SLC4A8: variants seen among roughly 807,000 people sequenced by gnomAD.
SLC4A8 encodes the protein electroneutral sodium bicarbonate exchanger 1.
SLC4A8 carries 40 observed loss-of-function variants against 125.0 expected under a neutral mutation model. The ratio of observed to expected loss-of-function variants is 0.32; its 90% confidence interval spans 0.25 to 0.42. The LOEUF (loss-of-function observed/expected upper bound fraction) is 0.42, where lower values mean the gene tolerates loss of function less well. SLC4A8 is among the 10% of genes least tolerant of loss of function. SLC4A8 has a pLI of 1.00. For synonymous variants in SLC4A8, 456 were observed against 476.0 expected, an observed-to-expected ratio of 0.96 and a Z score of 0.55; for missense variants, 863 against 1,355.1, an observed-to-expected ratio of 0.64 and a Z score of 5.70.
At chr12:51,415,590 T>A (rs1208508953) in intron 1 of SLC4A8, among the ~76,000 whole-genome samples, 8 of 152,094 alleles carry the variant, frequency 5.3e-5, no homozygotes, top group Admixed American at 5.2e-4. Flanking sequence ...CTCAGAATAA[T>A]GTGTGTTGAT....
At chr12:51,479,998 T>C in intron 16 of SLC4A8, 1 of 366,418 alleles carries the variant, frequency 2.7e-6, no homozygotes, top group Admixed American at 3.5e-5. Context: ...TCAGATGGAG[T>C]CTTGCTCTGT....
At chr12:51,391,499 G>A (rs1948104865) in intron 1 of SLC4A8, 1 of 155,468 alleles carries the variant, frequency 6.4e-6, no homozygotes, top group Non-Finnish European at 1.4e-5. Context: ...GTGAGAGCGA[G>A]GACTCGGCAG....
At chr12:51,499,613 T>C (rs1293884815) in intron 22 of SLC4A8, among the ~76,000 whole-genome samples, 1 of 117,298 alleles carries the variant, frequency 8.5e-6, no homozygotes, top group Non-Finnish European at 1.9e-5. Context: ...TTGGTTATAG[T>C]GCTATAATTC....
At chr12:51,476,364 C>G (rs1016389938) in intron 16 of SLC4A8, among the ~76,000 whole-genome samples, 12 of 151,978 alleles carry the variant, frequency 7.9e-5, no homozygotes, top group African/African-American at 2.9e-4. Context: ...GCCTGTAATC[C>G]CAGCTACTCG....
At chr12:51,431,879 A>G (rs1949197703) in intron 1 of SLC4A8, among the ~76,000 whole-genome samples, 2 of 152,192 alleles carry the variant, frequency 1.3e-5, no homozygotes. Flanking sequence ...TACTGTGGGC[A>G]TTAATCCATG....
chr12:51,412,081 C>T (rs1948606388), intron 1 of SLC4A8, among the ~76,000 whole-genome samples: 1 of 152,020 alleles, frequency 6.6e-6, no homozygotes, highest in African/African-American at 2.4e-5. Context: ...AAAATTGTTA[C>T]TGATTTCAAG....
At chr12:51,502,092 C>G (rs1025550641) in intron 22 of SLC4A8, 4 of 152,256 alleles carry the variant, frequency 2.6e-5, no homozygotes, top group Admixed American at 2.6e-4. Context: ...TACACCTAAT[C>G]AAAAACATGA....
intron 16 of SLC4A8, among the ~76,000 whole-genome samples, chr12:51,475,727 C>T (rs1950836036): frequency 6.6e-6 from 1 of 152,182 alleles, no homozygotes; most frequent in Non-Finnish European, 1.5e-5. Context: ...TTCCATGATG[C>T]AGATAGCATT....
intron 19 of SLC4A8, among the ~76,000 whole-genome samples, chr12:51,493,418 G>A (rs371052914): frequency 6.6e-6 from 1 of 152,132 alleles, no homozygotes; most frequent in African/African-American, 2.4e-5. Context: ...GTGTGTGTGT[G>A]TGTATGTGTG....
chr12:51,396,769 G>T (rs1264127922), intron 1 of SLC4A8, among the ~76,000 whole-genome samples: 1 of 151,294 alleles, frequency 6.6e-6, no homozygotes, highest in African/African-American at 2.4e-5. Context: ...ATATTTTTCT[G>T]TATTTTTTGA....
intron 19 of SLC4A8, among the ~76,000 whole-genome samples, chr12:51,493,124 C>G (rs531477032): frequency 6.6e-6 from 1 of 152,192 alleles, no homozygotes; most frequent in South Asian, 2.1e-4. Flanking sequence ...TGAAGATTAC[C>G]TAGGTTGATA....
chr12:51,432,723 A>G (rs930770821), intron 1 of SLC4A8, among the ~76,000 whole-genome samples: 15 of 150,246 alleles, frequency 1.0e-4, no homozygotes, highest in East Asian at 1.9e-4. Context: ...CTCTGTCTCA[A>G]AACAAACAAA....
chr12:51,431,553 C>T (rs1308570728), intron 1 of SLC4A8, among the ~76,000 whole-genome samples: 1 of 152,038 alleles, frequency 6.6e-6, no homozygotes, highest in African/African-American at 2.4e-5. Context: ...TTCAGGAGCT[C>T]ATGGCCACTG....
intron 1 of SLC4A8, among the ~76,000 whole-genome samples, chr12:51,433,173 A>C (rs1411730076): frequency 6.6e-6 from 1 of 152,194 alleles, no homozygotes; most frequent in Non-Finnish European, 1.5e-5. Flanking sequence ...TCTGCTACTC[A>C]GTTATAATTC....
At chr12:51,455,532 G>A (rs1950120172) in intron 5 of SLC4A8, among the ~76,000 whole-genome samples, 1 of 152,172 alleles carries the variant, frequency 6.6e-6, no homozygotes, top group South Asian at 2.1e-4. Context: ...AAGATGTGAA[G>A]GGGAGATATC....
At position 51,512,701 on chromosome 12, in the gene SLC4A8, G is replaced by A. The variant is rs1938407937; in HGVS notation, c.*5263G>A. 1 of 152,128 alleles carries A rather than the reference G, an allele frequency of 6.6e-6. No homozygotes were observed. Among genetic ancestry groups the A allele is most frequent in the Non-Finnish European group, 1.5e-5 (1 of 68,066 alleles). The allele number at this position is 152,128 out of a possible 1,614,324, so 9.4% of individuals were successfully genotyped here. Reference sequence around the variant, plus strand: ...CATGTGTGTATGTTGACAAATGAGAGTGTAGCCATAAGATTTCATTGTTAC... The same window carrying A: ...CATGTGTGTATGTTGACAAATGAGAATGTAGCCATAAGATTTCATTGTTAC... On this transcript the variant is annotated 3_prime_UTR_variant, in exon 25 of 25. Transcript: ENST00000453097.
intron 17 of SLC4A8, among the ~76,000 whole-genome samples, chr12:51,486,513 C>CAA (rs1951165661): frequency 1.3e-5 from 2 of 152,154 alleles, no homozygotes; most frequent in African/African-American, 4.8e-5. Context: ...TACAAAAAGT[C>CAA]AAACAAATGA....
At chr12:51,400,777 TACATACATACACAC>T (rs1431510670) in intron 1 of SLC4A8, among the ~76,000 whole-genome samples, 7 of 10,000 alleles carry the variant, frequency 7.0e-4, no homozygotes, top group South Asian at 4.7e-3. Context: ...TATATATATA[TACATACATACACAC>T]ACACACACAC....
chr12:51,488,599 T>C (rs1399049307), intron 17 of SLC4A8, 100 bp from the exon 18 acceptor site: 2 of 798,692 alleles, frequency 2.5e-6, no homozygotes, highest in Admixed American at 2.5e-5. Flanking sequence ...AGAACCTCAC[T>C]CAAGAATAAA....
Sources: allele counts gnomAD v4.1 joint callset (sites outside exome capture counted in the v4.1 genomes callset), GRCh38; gene constraint gnomAD v4.1.1; transcripts MANE v1.5; gene names NCBI Gene and HGNC (gene_info 2026-07-23, HGNC 2026-07-21).